Variants in TAOK3 observed in about 807,000 individuals in gnomAD.
TAOK3 encodes the protein TAO kinase 3.
In TAOK3, 40 loss-of-function variants were observed where a neutral mutation model predicts 120.4. The observed-to-expected ratio is 0.33, with a 90% CI of 0.26 to 0.43. The LOEUF is 0.43. TAOK3 is among the 20% of genes least tolerant of loss of function. The pLI, the probability that TAOK3 is intolerant of heterozygous loss-of-function variation, is 1.00. For missense variants in TAOK3, 821 were observed against 1,112.1 expected (o/e 0.74, Z 3.72); for synonymous variants, 355 against 387.5 (o/e 0.92, Z 0.99).
At chr12:118,275,619 T>A (rs2041875581) in intron 1 of TAOK3, among the ~76,000 whole-genome samples, 1 of 152,228 alleles carries the variant, frequency 6.6e-6, no homozygotes, top group Admixed American at 6.5e-5. Flanking sequence ...TTACTTTTAG[T>A]CATTTACTTT....
At position 118,161,934 on chromosome 12, in the gene TAOK3, G is replaced by A. The variant is rs1166607395; in HGVS notation, c.1993C>T (p.His665Tyr). The change falls in exon 18 of 21, where the codon CAC becomes TAC. Residue 665 changes from histidine (H) to tyrosine (Y), a missense_variant. His to Tyr is a moderately conservative substitution (Grantham distance 83). Coordinates refer to ENST00000392533, the MANE Select transcript of TAOK3 (RefSeq NM_016281.4). The surrounding 1 kb of genome is among the most constrained non-coding windows in gnomAD (Gnocchi z 4.5). ...STRELEYRQL[H>Y]TLQKLRMDLI... is the part of the protein sequence containing the mutation. ...TCCATGCGTAGCTTCTGTAACGTGT[G>A]CAGCTGCCTGTACTCTAGCTCTCGG... is the stretch of plus-strand genomic sequence containing the variant. 1.2e-6 allele frequency: 2 copies of A among 1,614,130 alleles called. No homozygotes were observed. The highest frequency in any genetic ancestry group is 1.7e-5 in the Admixed American group (1 of 60,024).
intron 9 of TAOK3, among the ~76,000 whole-genome samples, chr12:118,218,476 C>G (rs2039052251): frequency 6.6e-6 from 1 of 151,930 alleles, no homozygotes; most frequent in African/African-American, 2.4e-5. Context: ...ATCCTTCTGT[C>G]TGTATACTTT....
chr12:118,368,327 G>A (rs769180353), intron 1 of TAOK3, among the ~76,000 whole-genome samples: 97 of 152,034 alleles, frequency 6.4e-4, no homozygotes, highest in Non-Finnish European at 1.0e-3. Context: ...CTCCCGGGTA[G>A]CTGGAATTAC....
chr12:118,208,582 G>GTCT (rs1157080058), intron 11 of TAOK3, among the ~76,000 whole-genome samples: 2 of 152,128 alleles, frequency 1.3e-5, no homozygotes, highest in African/African-American at 4.8e-5. Flanking sequence ...AAAAGTATCA[G>GTCT]TCTTCATACT....
intron 1 of TAOK3, among the ~76,000 whole-genome samples, chr12:118,355,493 C>A (rs917354723): frequency 6.6e-6 from 1 of 152,158 alleles, no homozygotes; most frequent in Non-Finnish European, 1.5e-5. Context: ...ATTATTAAAT[C>A]TACAGTCGAT....
intron 4 of TAOK3, among the ~76,000 whole-genome samples, chr12:118,244,531 T>TG (rs755995246): frequency 7.6e-6 from 1 of 131,776 alleles, no homozygotes; most frequent in Non-Finnish European, 1.7e-5. Context: ...TTTTTTCTTT[T>TG]TCTTTTTTTT....
chr12:118,246,237 G>A (rs376400259), intron 3 of TAOK3: 3 of 1,470,496 alleles, frequency 2.0e-6, no homozygotes, highest in African/African-American at 2.8e-5. Context: ...CGGAGCTCGC[G>A]GAGGCAAGGC....
In TAOK3 at chr12:118,235,655, T is replaced by G; in HGVS notation, c.454A>C (p.Asn152His). The G allele has an allele frequency of 6.2e-7, 1 of 1,612,074 alleles. No homozygotes were observed. The highest frequency in any genetic ancestry group is 8.5e-7 in the Non-Finnish European group (1 of 1,178,980). ...ALIHRDIKAGNILLTEPGQVK... is the reference protein window; with the variant it reads ...ALIHRDIKAGHILLTEPGQVK... ...TGACCTGGCTCTGTTAGAAGAATAT[T>G]TCCTGCTTTAATATCCCTATAGGAA... The change falls in exon 8 of 21, where the codon AAT becomes CAT. Residue 152 changes from asparagine (N) to histidine (H), a missense_variant. By Grantham distance (68) the Asn-to-His change is moderately conservative. Around this residue, in one of 2 missense-constraint regions of TAOK3, gnomAD observed 467 missense variants for 540.0 expected, o/e 0.86. Coordinates refer to ENST00000392533, the MANE Select transcript of TAOK3 (RefSeq NM_016281.4).
chr12:118,288,201 A>G (rs967743387), intron 1 of TAOK3, among the ~76,000 whole-genome samples: 14 of 151,980 alleles, frequency 9.2e-5, no homozygotes, highest in Admixed American at 3.3e-4. Flanking sequence ...TATAATGTAT[A>G]TACTTAAATT....
At chr12:118,261,612 A>G (rs2041231441) in intron 2 of TAOK3, 1 of 152,328 alleles carries the variant, frequency 6.6e-6, no homozygotes. Flanking sequence ...TCTGGCAAAC[A>G]TAGCAAGATC....
chr12:118,222,061 A>G (rs1257757810), intron 9 of TAOK3, among the ~76,000 whole-genome samples: 1 of 152,210 alleles, frequency 6.6e-6, no homozygotes, highest in Non-Finnish European at 1.5e-5. Context: ...GTGTATGATC[A>G]ATCTCTGTCA....
intron 1 of TAOK3, among the ~76,000 whole-genome samples, chr12:118,301,297 G>A (rs530843336): frequency 1.3e-5 from 2 of 152,272 alleles, no homozygotes; most frequent in Admixed American, 6.5e-5. Context: ...GAAACATCAA[G>A]CAAAATAGTT....
intron 1 of TAOK3, chr12:118,295,423 T>A (rs963339046): frequency 7.2e-5 from 11 of 152,164 alleles, no homozygotes; most frequent in Admixed American, 7.2e-4. Flanking sequence ...TTAGAGAGGA[T>A]GAAATAAGAA....
chr12:118,196,791 T>G (rs903603606), intron 13 of TAOK3, among the ~76,000 whole-genome samples: 4 of 152,234 alleles, frequency 2.6e-5, no homozygotes, highest in African/African-American at 9.7e-5. Context: ...GCCTTCTTTT[T>G]GGTTTTGTTG....
In TAOK3 at chr12:118,305,662, T is replaced by C. The variant is rs1593477176; in HGVS notation, c.-193-38903A>G. On this transcript the variant is annotated intron_variant, in intron 1 of 20. Transcript: ENST00000392533. Reference sequence around the variant, plus strand: ...GCTCACGCCTGTAATCTCAGCACTTTAGGAGGCAGAGGTGGGCAGATCACT... The same window carrying C: ...GCTCACGCCTGTAATCTCAGCACTTCAGGAGGCAGAGGTGGGCAGATCACT... Among the ~76,000 whole-genome samples, 5 of 152,180 alleles carry C rather than the reference T, an allele frequency of 3.3e-5. No individual in the cohort carries two copies. The Middle Eastern group carries it at 0.014, about 414-fold the overall frequency.
chr12:118,331,645 C>CAAAA (rs57291591), intron 1 of TAOK3, among the ~76,000 whole-genome samples: 10 of 47,992 alleles, frequency 2.1e-4, no homozygotes, highest in African/African-American at 3.6e-4. Flanking sequence ...ACTCTTATCT[C>CAAAA]AAAAAAAAAA....
intron 17 of TAOK3, among the ~76,000 whole-genome samples, chr12:118,171,830 T>G (rs1178810754): frequency 1.3e-5 from 2 of 152,242 alleles, no homozygotes; most frequent in Non-Finnish European, 2.9e-5. Context: ...TACACAGAAC[T>G]CTGGTCACAC....
chr12:118,159,010 G>A (rs2098219758), intron 19 of TAOK3, among the ~76,000 whole-genome samples: 1 of 152,090 alleles, frequency 6.6e-6, no homozygotes, highest in South Asian at 2.1e-4. Context: ...TCATCTCCTT[G>A]GGAAAGCTTC....
At chr12:118,184,012 G>C (rs1267832015) in intron 14 of TAOK3, among the ~76,000 whole-genome samples, 2 of 152,158 alleles carry the variant, frequency 1.3e-5, no homozygotes, top group South Asian at 2.1e-4. Flanking sequence ...TCTGTAAAGA[G>C]GGTGGCTTTC....
Sources: gnomAD v4.1 joint callset for allele counts (sites outside exome capture counted in the v4.1 genomes callset) on GRCh38, gnomAD v4.1.1 for gene constraint, gnomAD v4.1.1 regional missense constraint, Gnocchi (gnomAD v3.1) non-coding constraint, MANE v1.5 for transcripts, NCBI Gene and HGNC (gene_info 2026-07-23, HGNC 2026-07-21) for gene names.